The following GAST variants were observed in gnomAD, a reference collection of about 807,000 sequenced individuals.
GAST encodes the protein gastrin.
Under a neutral mutation model 12.5 loss-of-function variants are expected in GAST, and 9 were observed. The ratio of observed to expected loss-of-function variants is 0.72; its 90% CI spans 0.43 to 1.25. The LOEUF (loss-of-function observed/expected upper bound fraction) is 1.25, where lower values mean the gene tolerates loss of function less well. Ranked by LOEUF, GAST falls within the 50% of genes most tolerant of loss-of-function variation. GAST has a pLI of 0.00. For missense variants in GAST, 121 were observed against 127.7 expected (o/e 0.95, Z 0.25); for synonymous variants, 52 against 51.1 (o/e 1.02, Z -0.08).
At chr17:41,713,025 C>T (rs1310374450) in intron 1 of GAST, among the ~76,000 whole-genome samples, 1 of 152,102 alleles carries the variant, frequency 6.6e-6, no homozygotes, top group Admixed American at 6.6e-5. Flanking sequence ...AAGCAATTCT[C>T]CTGACTCAGC....
In GAST at chr17:41,715,772, C is replaced by T. The variant is rs145765054; in HGVS notation, c.212-6C>T. 1 of 1,607,386 alleles carries T rather than the reference C, an allele frequency of 6.2e-7. No homozygotes were observed. The highest frequency in any genetic ancestry group is 1.1e-5 in the South Asian group (1 of 90,000). On this transcript the variant is annotated splice_polypyrimidine_tract_variant and splice_region_variant and intron_variant, in intron 2 of 2. Coordinates refer to ENST00000329402, the MANE Select transcript of GAST (RefSeq NM_000805.5). ...TCCCCCATTCTCGCCTCTCTCACCT[C>T]CTCAGACCCGTCCAAGAAGCAGGGA...
Position 41,715,882 on chromosome 17 carries a change from A to G in GAST, c.*10A>G, listed in dbSNP as rs375354857. ...TGAGGATGAGAACTAACAATCCTAGAACCAAGCTTCAGAGCCTAGCCACCT... is the reference window on the plus strand; with the variant it reads ...TGAGGATGAGAACTAACAATCCTAGGACCAAGCTTCAGAGCCTAGCCACCT... On this transcript the variant is annotated 3_prime_UTR_variant, in exon 3 of 3. Transcript: ENST00000329402. The G allele has an allele frequency of 3.1e-6, 5 of 1,588,688 alleles. No homozygotes were observed. The African/African-American group carries it at 6.8e-5, about 22-fold the overall frequency.
intron 1 of GAST, among the ~76,000 whole-genome samples, chr17:41,713,089 A>G (rs1024535163): frequency 2.0e-5 from 3 of 151,876 alleles, no homozygotes; most frequent in African/African-American, 7.3e-5. Context: ...CTAATTTTTC[A>G]TATTTTTGGT....
rs1335964300 is a variant in GAST at position 41,715,821 on chromosome 17, A to C, written c.255A>C (p.Glu85Asp). The C allele has an allele frequency of 3.1e-6, 5 of 1,612,180 alleles. No homozygotes were observed. Among genetic ancestry groups the C allele is most frequent in the Non-Finnish European group, 3.4e-6 (4 of 1,179,488 alleles). The change falls in exon 3 of 3, where the codon GAA (glutamate) becomes GAC (aspartate). Residue 85 changes from glutamate (E) to aspartate (D), a missense_variant. Coordinates refer to ENST00000329402, the MANE Select transcript of GAST (RefSeq NM_000805.5). The stretch of plus-strand genomic sequence containing the variant: ...GACCATGGCTGGAGGAAGAAGAAGA[A>C]GCCTATGGATGGATGGACTTCGGCC... ...KQGPWLEEEE[E>D]AYGWMDFGRR... is the part of the protein sequence containing the mutation.
At chr17:41,715,748 C>G (rs189013727) in intron 2 of GAST, 30 bp from the exon 3 acceptor site, 4 of 1,593,958 alleles carry the variant, frequency 2.5e-6, no homozygotes, top group Non-Finnish European at 3.4e-6. Flanking sequence ...AGGCATCCTT[C>G]CCCCATTCTC....
intron 1 of GAST, among the ~76,000 whole-genome samples, chr17:41,714,575 T>C (rs1910926335): frequency 6.6e-6 from 1 of 151,840 alleles, no homozygotes; most frequent in Admixed American, 6.6e-5. Flanking sequence ...AGTTCAAGAC[T>C]AGCTTGGGCA....
Position 41,715,664 on chromosome 17 carries a change from GCC to G in GAST, c.211+19_211+20del. The G allele has an allele frequency of 6.2e-7, 1 of 1,610,592 alleles. No individual in the cohort carries two copies. Among genetic ancestry groups the G allele is most frequent in the East Asian group, 2.2e-5 (1 of 44,820 alleles). On this transcript the variant is annotated intron_variant, in intron 2 of 2. Transcript: ENST00000329402. ...TCGTGGCAGGTAGGAGCTGCTGACTGCCCTGCTTGCCTCACTTGGCCAGGTTT... is the reference window on the plus strand; with the variant it reads ...TCGTGGCAGGTAGGAGCTGCTGACTGCTGCTTGCCTCACTTGGCCAGGTTT...
Position 41,714,563 on chromosome 17 carries a change from A to G in GAST, c.-5-869A>G, listed in dbSNP as rs909907870. On this transcript the variant is annotated intron_variant, in intron 1 of 2. Coordinates refer to ENST00000329402, the MANE Select transcript of GAST (RefSeq NM_000805.5). ...GAGGCGGGAGGATTGCTTGAGCCCA[A>G]GAGTTCAAGACTAGCTTGGGCAACA... Among the ~76,000 whole-genome samples the G allele has an allele frequency of 5.3e-5, 8 of 151,856 alleles. 1 individual carries two copies. The highest frequency in any genetic ancestry group is 1.9e-4 in the African/African-American group (8 of 41,342).
chr17:41,714,543 G>A (rs1555585578), intron 1 of GAST, among the ~76,000 whole-genome samples: 3 of 152,090 alleles, frequency 2.0e-5, no homozygotes, highest in Non-Finnish European at 2.9e-5. Context: ...AGGCTGAGGC[G>A]GGAGGATTGC....
Position 41,715,594 on chromosome 17 carries a change from C to T in GAST, c.158C>T (p.Ala53Val), listed in dbSNP as rs1381582236. 2 of 1,613,624 alleles carry T rather than the reference C, an allele frequency of 1.2e-6. No individual in the cohort carries two copies. Among genetic ancestry groups the T allele is most frequent in the African/African-American group, 1.3e-5 (1 of 74,952 alleles). ...CCCTGGCTGGAGCAGCAGGGCCCAG[C>T]CTCTCATCATCGAAGGCAGCTGGGA... ...ELPWLEQQGP[A>V]SHHRRQLGPQ... The change falls in exon 2 of 3, where the codon GCC (alanine) becomes GTC (valine). Residue 53 changes from alanine to valine, a missense_variant. By Grantham distance (64) the Ala-to-Val change is moderately conservative (BLOSUM62 0). Coordinates refer to ENST00000329402, the MANE Select transcript of GAST (RefSeq NM_000805.5).
chr17:41,714,588 A>G (rs1298573961), intron 1 of GAST, among the ~76,000 whole-genome samples: 1 of 152,004 alleles, frequency 6.6e-6, no homozygotes, highest in Non-Finnish European at 1.5e-5. Context: ...CTTGGGCAAC[A>G]TGGTGAAACC....
chr17:41,715,866 GAACT>G lies in GAST; in HGVS notation c.304_*1del, dbSNP rs782490689. 8.1e-6 allele frequency: 13 copies of G among 1,602,502 alleles called. No homozygotes were observed. Among genetic ancestry groups the G allele is most frequent in the Admixed American group, 1.8e-5 (1 of 56,506 alleles). ...TCGGCCGCCGCAGTGCTGAGGATGA[GAACT>G]AACAATCCTAGAACCAAGCTTCAGA... is the stretch of plus-strand genomic sequence containing the variant. On this transcript the variant is annotated frameshift_variant and stop_lost, in exon 3 of 3. Transcript: ENST00000329402. LOFTEE classifies it high-confidence loss of function.
Position 41,715,823 on chromosome 17 carries a change from C to A in GAST, c.257C>A (p.Ala86Asp), listed in dbSNP as rs1910968322. Residue 86 changes from alanine to aspartate, a missense_variant, in exon 3 of 3, where the codon GCC becomes GAC. Ala to Asp is a moderately radical substitution (Grantham distance 126). Coordinates refer to ENST00000329402, the MANE Select transcript of GAST (RefSeq NM_000805.5). ...QGPWLEEEEE[A>D]YGWMDFGRRS... is the part of the protein sequence containing the mutation. ...CCATGGCTGGAGGAAGAAGAAGAAG[C>A]CTATGGATGGATGGACTTCGGCCGC... 6.2e-7 allele frequency: 1 copy of A among 1,612,428 alleles called. No homozygotes were observed. The highest frequency in any genetic ancestry group is 1.3e-5 in the African/African-American group (1 of 74,762).
At chr17:41,713,827 A>T (rs1910911658) in intron 1 of GAST, among the ~76,000 whole-genome samples, 1 of 152,248 alleles carries the variant, frequency 6.6e-6, no homozygotes, top group Non-Finnish European at 1.5e-5. Flanking sequence ...GTGAGACCAA[A>T]AGCATACAAA....
intron 1 of GAST, among the ~76,000 whole-genome samples, chr17:41,712,678 C>T (rs1910881887): frequency 6.6e-6 from 1 of 152,182 alleles, no homozygotes; most frequent in Admixed American, 6.5e-5. Context: ...GGGTTCTTCT[C>T]CTTTCTCTCA....
chr17:41,713,429 G>A (rs1352029629), intron 1 of GAST, among the ~76,000 whole-genome samples: 3 of 152,130 alleles, frequency 2.0e-5, no homozygotes, highest in Non-Finnish European at 4.4e-5. Context: ...CGTGGCTCAT[G>A]CCTGTGATCA....
intron 1 of GAST, among the ~76,000 whole-genome samples, chr17:41,713,066 C>T (rs1314279327): frequency 1.3e-5 from 2 of 152,204 alleles, no homozygotes; most frequent in South Asian, 2.1e-4. Flanking sequence ...CAGGCGCCTG[C>T]CACAACACCC....
chr17:41,714,861 T>A lies in GAST; in HGVS notation c.-5-571T>A, dbSNP rs139507904. Among the ~76,000 whole-genome samples, 588 of 152,298 alleles carry A rather than the reference T, an allele frequency of 3.9e-3. 3 individuals are homozygous for A. Among genetic ancestry groups the A allele is most frequent in the African/African-American group, 0.013 (548 of 41,560 alleles). On this transcript the variant is annotated intron_variant, in intron 1 of 2. Coordinates refer to ENST00000329402, the MANE Select transcript of GAST (RefSeq NM_000805.5). The stretch of plus-strand genomic sequence containing the variant: ...TGCAGAACAGAACCTAGGGAAACCA[T>A]TGCCCTAGGATTTGACTTTCTCCAA...
In GAST at chr17:41,715,793, A is replaced by T; in HGVS notation, c.227A>T (p.Gln76Leu). 6.2e-7 allele frequency: 1 copy of T among 1,610,210 alleles called. No homozygotes were observed. Residue 76 changes from glutamine to leucine, a missense_variant, in exon 3 of 3, where the codon CAG (glutamine) becomes CTG (leucine). Physicochemically the swap from Gln to Leu is moderately radical, Grantham distance 113. Coordinates refer to ENST00000329402, the MANE Select transcript of GAST (RefSeq NM_000805.5). ...ACCTCCTCAGACCCGTCCAAGAAGC[A>T]GGGACCATGGCTGGAGGAAGAAGAA... ...PHLVADPSKK[Q>L]GPWLEEEEEA...
Sources: allele counts gnomAD v4.1 joint callset (sites outside exome capture counted in the v4.1 genomes callset), GRCh38; gene constraint gnomAD v4.1.1; transcripts MANE v1.5; gene names NCBI Gene and HGNC (gene_info 2026-07-23, HGNC 2026-07-21).